KDM5B: variants seen among roughly 807,000 people sequenced by gnomAD.
KDM5B encodes lysine-specific demethylase 5B.
A neutral mutation model predicts 193.4 loss-of-function variants in KDM5B; 144 were observed. The observed-to-expected ratio is 0.74, with a 90% CI of 0.65 to 0.86. The LOEUF (loss-of-function observed/expected upper bound fraction) is 0.86, where lower values mean the gene tolerates loss of function less well. Among genes scored for constraint, KDM5B ranks in the 40% least tolerant of loss-of-function variants. The pLI, the probability that KDM5B is intolerant of heterozygous loss-of-function variation, is 0.00. For synonymous variants in KDM5B, 668 were observed against 682.6 expected (o/e 0.98, Z 0.33); for missense variants, 1,833 against 1,886.9 (o/e 0.97, Z 0.53).
chr1:202,783,313 C>A (rs1161651077), intron 1 of KDM5B, among the ~76,000 whole-genome samples: 1 of 150,840 alleles, frequency 6.6e-6, no homozygotes, highest in Non-Finnish European at 1.5e-5. Flanking sequence ...AGCCCAGACT[C>A]GGAAACATAT....
chr1:202,730,876 G>A (rs556929728), intron 25 of KDM5B, 33 bp downstream of exon 25: 17 of 1,556,946 alleles, frequency 1.1e-5, no homozygotes, highest in South Asian at 9.5e-5. Context: ...ACCCCAGACT[G>A]TGCCTTGCCC....
chr1:202,742,311 T>C, intron 18 of KDM5B, 80 bp downstream of exon 18: 5 of 942,062 alleles, frequency 5.3e-6, no homozygotes, highest in Non-Finnish European at 8.4e-6. Flanking sequence ...TCAAAGAAGA[T>C]TACTTAGTAA....
chr1:202,766,588 T>C, intron 5 of KDM5B: 2 of 428,966 alleles, frequency 4.7e-6, no homozygotes, highest in Non-Finnish European at 4.4e-6. Flanking sequence ...AATCTTCATG[T>C]TTTCTAGCCT....
Position 202,773,281 on chromosome 1 carries a change from G to A in KDM5B, c.413C>T (p.Ala138Val). Residue 138 changes from alanine to valine, a missense_variant, in exon 4 of 27, where the codon GCA becomes GTA. Coordinates refer to ENST00000367265, the MANE Select transcript of KDM5B (RefSeq NM_006618.5). ...AACAACTGCAAATCCACCTTCTTCTGCAACTAACTGTTAAAATAGCAAAAT... is the reference window on the plus strand; with the variant it reads ...AACAACTGCAAATCCACCTTCTTCTACAACTAACTGTTAAAATAGCAAAAT... The part of the protein sequence containing the change: ...LDLFQLNKLV[A>V]EEGGFAVVCK... The A allele has an allele frequency of 1.2e-6, 2 of 1,613,692 alleles. No homozygotes were observed. Among genetic ancestry groups the A allele is most frequent in the Non-Finnish European group, 1.7e-6 (2 of 1,179,874 alleles).
At chr1:202,795,202 GTC>G in intron 1 of KDM5B, among the ~76,000 whole-genome samples, 1 of 152,142 alleles carries the variant, frequency 6.6e-6, no homozygotes, top group South Asian at 2.1e-4. Flanking sequence ...GACAGAGTAA[GTC>G]TCTGTCTCCA....
At chr1:202,753,693 T>C (rs1655893999) in intron 11 of KDM5B, among the ~76,000 whole-genome samples, 1 of 141,870 alleles carries the variant, frequency 7.0e-6, no homozygotes, top group African/African-American at 2.6e-5. Context: ...TTTTTGAGAC[T>C]GAGTCTTGCT....
chr1:202,734,009 G>A, intron 22 of KDM5B, 123 bp from the exon 23 acceptor site: 1 of 1,204,116 alleles, frequency 8.3e-7, no homozygotes, highest in East Asian at 2.3e-5. Flanking sequence ...AATCCTGACT[G>A]CCTCATACTA....
In KDM5B at chr1:202,740,733, C is replaced by G; in HGVS notation, c.3025G>C (p.Ala1009Pro). 6.2e-7 allele frequency: 1 copy of G among 1,612,970 alleles called. No individual in the cohort carries two copies. The highest frequency in any genetic ancestry group is 1.3e-5 in the African/African-American group (1 of 75,026). Reference sequence around the variant, plus strand: ...GCTCTCTGCACTGAGTCTTTCAGAGCCGCACCATTGGGCAGATATGCAGGG... The same window carrying G: ...GCTCTCTGCACTGAGTCTTTCAGAGGCGCACCATTGGGCAGATATGCAGGG... ...EIPAYLPNGA[A>P]LKDSVQRARD... is the part of the protein sequence containing the mutation. Residue 1009 changes from alanine to proline, a missense_variant, in exon 20 of 27, where the codon GCT (alanine) becomes CCT (proline). Around this residue, in one of 3 missense-constraint regions of KDM5B, gnomAD observed 1,379 missense variants for 1,349.6 expected, o/e 1.02. Transcript: ENST00000367265.
rs1274933278 is a variant in KDM5B at position 202,808,217 on chromosome 1, G to T, written c.89C>A (p.Pro30His). Reference protein sequence around the residue: ...PGPLGEFLPPPECPVFEPSWE... With the variant: ...PGPLGEFLPPHECPVFEPSWE... ...GCTGGGTTCGAAGACCGGGCACTCGGGTGGAGGCAGGAACTCGCCCAGCGG... is the reference window on the plus strand; with the variant it reads ...GCTGGGTTCGAAGACCGGGCACTCGTGTGGAGGCAGGAACTCGCCCAGCGG... The change falls in exon 1 of 27, where the codon CCC (proline) becomes CAC (histidine). Residue 30 changes from proline to histidine, a missense_variant. Transcript: ENST00000367265. 1 of 1,612,636 alleles carries T rather than the reference G, an allele frequency of 6.2e-7. No homozygotes were observed. Among genetic ancestry groups the T allele is most frequent in the South Asian group, 1.1e-5 (1 of 91,058 alleles).
intron 8 of KDM5B, among the ~76,000 whole-genome samples, chr1:202,760,075 G>C (rs963912144): frequency 2.0e-5 from 3 of 152,142 alleles, no homozygotes; most frequent in African/African-American, 4.8e-5. Flanking sequence ...CAATTTGGAA[G>C]GCCGAGGTAG....
chr1:202,774,795 T>A, intron 2 of KDM5B, 60 bp from the exon 3 acceptor site: 1 of 1,500,062 alleles, frequency 6.7e-7, no homozygotes, highest in South Asian at 1.2e-5. Context: ...TCCTATTACC[T>A]GCCATTATTT....
At chr1:202,745,192 G>A (rs1355215962) in intron 16 of KDM5B, among the ~76,000 whole-genome samples, 4 of 152,212 alleles carry the variant, frequency 2.6e-5, no homozygotes, top group African/African-American at 7.2e-5. Context: ...AGGGCAGGAG[G>A]AGGGAGAGGC....
rs1217008177 is a variant in KDM5B at position 202,729,634 on chromosome 1, C to A, written c.4497+73G>T. The A allele has an allele frequency of 6.9e-6, 9 of 1,299,014 alleles. No individual in the cohort carries two copies. In the Admixed American group the frequency reaches 1.1e-4, roughly 16 times the overall value. The allele number at this position is 1,299,014 out of a possible 1,614,324, so 80.5% of individuals were successfully genotyped here. On this transcript the variant is annotated intron_variant, in intron 26 of 26. Coordinates refer to ENST00000367265, the MANE Select transcript of KDM5B (RefSeq NM_006618.5). Reference sequence around the variant, plus strand: ...AGATAAGCAGAGGAGAAAGACCCAGCGAGATGAGGTCTAGCTTACAGGGTT... The same window carrying A: ...AGATAAGCAGAGGAGAAAGACCCAGAGAGATGAGGTCTAGCTTACAGGGTT...
intron 18 of KDM5B, among the ~76,000 whole-genome samples, chr1:202,742,065 G>T (rs1306176264): frequency 6.6e-6 from 1 of 151,666 alleles, no homozygotes; most frequent in Admixed American, 6.6e-5. Flanking sequence ...TAGTAGAGAT[G>T]GGGTTTCACC....
At chr1:202,740,495 C>T (rs538999095) in intron 20 of KDM5B, among the ~76,000 whole-genome samples, 179 bp downstream of exon 20, 107 of 143,974 alleles carry the variant, frequency 7.4e-4, no homozygotes, top group African/African-American at 2.7e-3. Context: ...GGCGGCTGGC[C>T]GGGCAGAGGG....
chr1:202,753,090 A>T (rs780211391), intron 11 of KDM5B, 23 bp from the exon 12 acceptor site: 105 of 1,598,130 alleles, frequency 6.6e-5, no homozygotes, highest in Non-Finnish European at 8.7e-5. Context: ...TATAAAAATA[A>T]ATCAATCTGC....
At chr1:202,803,063 A>C (rs1051106736) in intron 1 of KDM5B, among the ~76,000 whole-genome samples, 1 of 151,946 alleles carries the variant, frequency 6.6e-6, no homozygotes, top group East Asian at 1.9e-4. Context: ...TTAGAGGCTG[A>C]GGAGGGAGGA....
chr1:202,798,300 C>CTTTTTTTTTT (rs34994129), intron 1 of KDM5B, among the ~76,000 whole-genome samples: 1 of 131,376 alleles, frequency 7.6e-6, no homozygotes, highest in African/African-American at 2.7e-5. Context: ...TGGTTTTTGT[C>CTTTTTTTTTT]TTTTTTTTTT....
At chr1:202,803,391 T>C (rs1192778475) in intron 1 of KDM5B, among the ~76,000 whole-genome samples, 1 of 152,200 alleles carries the variant, frequency 6.6e-6, no homozygotes, top group Non-Finnish European at 1.5e-5. Flanking sequence ...ACACGTTTTG[T>C]TTATTAGTTC....
Sources: gnomAD v4.1 joint callset for allele counts (sites outside exome capture counted in the v4.1 genomes callset) on GRCh38, gnomAD v4.1.1 for gene constraint, gnomAD v4.1.1 regional missense constraint, MANE v1.5 for transcripts, NCBI Gene and HGNC (gene_info 2026-07-23, HGNC 2026-07-21) for gene names.